Variants in MAP3K4 observed in about 807,000 individuals in gnomAD.
MAP3K4 encodes mitogen-activated protein kinase kinase kinase 4.
In MAP3K4, 67 loss-of-function variants were observed where a neutral mutation model predicts 185.6. That is an observed-to-expected ratio of 0.36 (90% CI 0.30 to 0.44). MAP3K4 has a LOEUF of 0.44. MAP3K4 is among the 20% of genes least tolerant of loss of function. MAP3K4 has a pLI of 1.00. For synonymous variants in MAP3K4, 702 were observed against 710.4 expected (o/e 0.99, Z 0.19); for missense variants, 1,551 against 1,995.1 (o/e 0.78, Z 4.24).
chr6:161,042,941 C>CAT (rs1783554593), intron 2 of MAP3K4, among the ~76,000 whole-genome samples: 1 of 135,000 alleles, frequency 7.4e-6, no homozygotes. Flanking sequence ...CACACACACA[C>CAT]ATCCCTGTTA....
chr6:161,064,168 G>A lies in MAP3K4; in HGVS notation c.1708-6440G>A, dbSNP rs1409315779. On this transcript the variant is annotated intron_variant, in intron 3 of 26. Transcript: ENST00000392142. The surrounding 1 kb of genome is among the most constrained non-coding windows in gnomAD (Gnocchi z 4.3). ...GACCATTTTCAATGAACGAAAGTGG[G>A]AATTTTTATATAGTTTAACCTAATG... Among the ~76,000 whole-genome samples, 3 of 152,106 alleles carry A rather than the reference G, an allele frequency of 2.0e-5. No homozygotes were observed. The highest frequency in any genetic ancestry group is 4.8e-5 in the African/African-American group (2 of 41,406).
chr6:161,028,056 C>T (rs1583133468), intron 1 of MAP3K4, among the ~76,000 whole-genome samples: 1 of 152,172 alleles, frequency 6.6e-6, no homozygotes, highest in Non-Finnish European at 1.5e-5. Context: ...AGGCCCGGGA[C>T]TGGTCCAGTG....
intron 2 of MAP3K4, among the ~76,000 whole-genome samples, chr6:161,041,918 TTTTTTTTC>T (rs1194895319): frequency 5.0e-4 from 29 of 57,674 alleles, no homozygotes; most frequent in Admixed American, 1.5e-3. Context: ...GTTTCTTTTT[TTTTTTTTC>T]TTTTTTTTTT....
At chr6:161,038,596 TTATC>T (rs1489961939) in intron 2 of MAP3K4, among the ~76,000 whole-genome samples, 58 of 152,320 alleles carry the variant, frequency 3.8e-4, no homozygotes, top group African/African-American at 1.3e-3. Context: ...ATTTTTCAGA[TTATC>T]TATTGTTGTG....
At chr6:161,027,616 G>A (rs777411996) in intron 1 of MAP3K4, among the ~76,000 whole-genome samples, 7 of 152,146 alleles carry the variant, frequency 4.6e-5, no homozygotes, top group South Asian at 2.1e-4. Context: ...GAGTTGACTC[G>A]GAACTTCCAT....
intron 3 of MAP3K4, among the ~76,000 whole-genome samples, chr6:161,062,536 G>T (rs1305580253): frequency 6.6e-6 from 1 of 152,170 alleles, no homozygotes; most frequent in African/African-American, 2.4e-5. Flanking sequence ...GTAGATTTCT[G>T]AGTAAGGGCT....
intron 3 of MAP3K4, among the ~76,000 whole-genome samples, chr6:161,068,422 G>C (rs1236085729): frequency 6.6e-6 from 1 of 152,212 alleles, no homozygotes; most frequent in Non-Finnish European, 1.5e-5. Flanking sequence ...TTGTGCAAAA[G>C]CACAGAGGCA....
At position 161,097,255 on chromosome 6, in the gene MAP3K4, G is replaced by A; in HGVS notation, c.3524+79G>A. 1 of 1,201,900 alleles carries A rather than the reference G, an allele frequency of 8.3e-7. No individual in the cohort carries two copies. The highest frequency in any genetic ancestry group is 1.2e-6 in the Non-Finnish European group (1 of 815,664). The allele number at this position is 1,201,900 out of a possible 1,614,324, so 74.5% of individuals were successfully genotyped here. ...GCTCATACTTTTGAAACTACTAGAT[G>A]CTTGCTCTGAGAGCTAAATACCTTT... On this transcript the variant is annotated intron_variant, in intron 16 of 26. Transcript: ENST00000392142. The surrounding 1 kb of genome is among the most constrained non-coding windows in gnomAD (Gnocchi z 4.9).
chr6:161,016,904 T>A (rs1423147947), intron 1 of MAP3K4, among the ~76,000 whole-genome samples: 1 of 152,224 alleles, frequency 6.6e-6, no homozygotes, highest in Non-Finnish European at 1.5e-5. Context: ...TTTAAAGTAC[T>A]CAATGCATGC....
In MAP3K4 at chr6:161,115,936, T is replaced by C. The variant is rs1778572277; in HGVS notation, c.4806+634T>C. 6.6e-6 allele frequency among the ~76,000 whole-genome samples: 1 copy of C among 152,200 alleles called. No individual in the cohort carries two copies. The highest frequency in any genetic ancestry group is 1.5e-5 in the Non-Finnish European group (1 of 68,038). The stretch of plus-strand genomic sequence containing the variant: ...GAGCAACATGAAGGAGTTTCCATTT[T>C]ATTATAAACATAAATGATGACATAG... On this transcript the variant is annotated intron_variant, in intron 26 of 26. Transcript: ENST00000392142. The surrounding 1 kb of genome is among the most constrained non-coding windows in gnomAD (Gnocchi z 6.0).
At position 161,106,628 on chromosome 6, in the gene MAP3K4, C is replaced by G. The variant is rs368883700; in HGVS notation, c.3971C>G (p.Thr1324Arg). The change falls in exon 20 of 27, where the codon ACG (threonine) becomes AGG (arginine). Residue 1324 changes from threonine to arginine, a missense_variant. Transcript: ENST00000392142. The surrounding 1 kb of genome is among the most constrained non-coding windows in gnomAD (Gnocchi z 4.9). Reference protein sequence around the residue: ...RKNIIGQVCDTPKSYDNVMHV... With the variant: ...RKNIIGQVCDRPKSYDNVMHV... The stretch of plus-strand genomic sequence containing the variant: ...AATATCATTGGTCAAGTTTGTGATA[C>G]GCCTAAGTCCTATGATAATGTTATG... 6 of 1,613,846 alleles carry G rather than the reference C, an allele frequency of 3.7e-6. No homozygotes were observed. The highest frequency in any genetic ancestry group is 4.2e-6 in the Non-Finnish European group (5 of 1,179,888).
chr6:161,060,278 C>T (rs1331025865), intron 3 of MAP3K4, among the ~76,000 whole-genome samples: 1 of 152,072 alleles, frequency 6.6e-6, no homozygotes, highest in Non-Finnish European at 1.5e-5. Context: ...ACACAAATGG[C>T]AAGATTAATG....
intron 6 of MAP3K4, among the ~76,000 whole-genome samples, chr6:161,083,780 A>G (rs993577331): frequency 6.6e-6 from 1 of 152,198 alleles, no homozygotes; most frequent in Non-Finnish European, 1.5e-5. Context: ...TGCAAGGCCC[A>G]TTGCAGGGCT....
intron 1 of MAP3K4, among the ~76,000 whole-genome samples, chr6:161,018,728 T>C (rs1782229911): frequency 6.6e-6 from 1 of 152,068 alleles, no homozygotes. Context: ...GGAGAAAAAT[T>C]AGTCAATAGT....
At position 160,991,780 on chromosome 6, in the gene MAP3K4, C is replaced by T; in HGVS notation, c.-152C>T. The T allele has an allele frequency of 2.4e-6, 2 of 846,698 alleles. No individual in the cohort carries two copies. The highest frequency in any genetic ancestry group is 3.3e-6 in the Non-Finnish European group (2 of 608,172). 52.4% of individuals were successfully genotyped at this position (846,698 alleles called of 1,614,324 possible). A position where few individuals can be genotyped will look rare whatever the true frequency, so the allele number is the denominator to read the frequency against. ...ACCGTAGCCCCGGCGCTCGGCCGGT[C>T]GCCGTTTCCAAGATGGCCGCGGCGC... On this transcript the variant is annotated 5_prime_UTR_variant, in exon 1 of 27. Coordinates refer to ENST00000392142, the MANE Select transcript of MAP3K4 (RefSeq NM_005922.4). The surrounding 1 kb of genome is among the most constrained non-coding windows in gnomAD (Gnocchi z 5.7).
In MAP3K4 at chr6:161,049,275, G is replaced by T. The variant is rs35730939; in HGVS notation, c.1003G>T (p.Val335Leu). The T allele has an allele frequency of 6.2e-7, 1 of 1,614,148 alleles. No individual in the cohort carries two copies. The highest frequency in any genetic ancestry group is 8.5e-7 in the Non-Finnish European group (1 of 1,180,010). ...QCKATPGTKI[V>L]GYSTHHEHLQ... Reference sequence around the variant, plus strand: ...CAAAGCCACTCCTGGAACAAAGATTGTAGGTTACTCAACACATCATGAGCA... The same window carrying T: ...CAAAGCCACTCCTGGAACAAAGATTTTAGGTTACTCAACACATCATGAGCA... Residue 335 changes from valine (V) to leucine (L), a missense_variant, in exon 3 of 27, where the codon GTA becomes TTA. Physicochemically the swap from Val to Leu is conservative, Grantham distance 32 (BLOSUM62 1). Coordinates refer to ENST00000392142, the MANE Select transcript of MAP3K4 (RefSeq NM_005922.4). The surrounding 1 kb of genome is among the most constrained non-coding windows in gnomAD (Gnocchi z 8.4).
At chr6:161,105,205 G>A (rs1176542259) in intron 19 of MAP3K4, among the ~76,000 whole-genome samples, 1 of 152,214 alleles carries the variant, frequency 6.6e-6, no homozygotes, top group Non-Finnish European at 1.5e-5. Flanking sequence ...TTAAATGTGT[G>A]AAAGGTATTT....
At chr6:161,029,648 C>T (rs1171867034) in intron 1 of MAP3K4, among the ~76,000 whole-genome samples, 1 of 152,154 alleles carries the variant, frequency 6.6e-6, no homozygotes, top group Non-Finnish European at 1.5e-5. Flanking sequence ...CTGATGTAGA[C>T]CTTGTACTAC....
In MAP3K4 at chr6:161,097,206, TAC is replaced by T; in HGVS notation, c.3524+32_3524+33del. ...TTGGTGCTTATCTAGTCATTTGCTT[TAC>T]AGAGTGCCCTCCGATATGCATGCTC... On this transcript the variant is annotated intron_variant, in intron 16 of 26. Coordinates refer to ENST00000392142, the MANE Select transcript of MAP3K4 (RefSeq NM_005922.4). This position sits in a 1 kb window ranked among gnomAD's most constrained non-coding sequence, Gnocchi z 4.9. 1 of 1,587,162 alleles carries T rather than the reference TAC, an allele frequency of 6.3e-7. No individual in the cohort carries two copies. The highest frequency in any genetic ancestry group is 8.7e-7 in the Non-Finnish European group (1 of 1,155,840).
Sources: allele counts gnomAD v4.1 joint callset (sites outside exome capture counted in the v4.1 genomes callset), GRCh38; gene constraint gnomAD v4.1.1; non-coding constraint Gnocchi (gnomAD v3.1); transcripts MANE v1.5; gene names NCBI Gene and HGNC (gene_info 2026-07-23, HGNC 2026-07-21).